The following CRIP1 variants were observed in gnomAD, a reference collection of about 807,000 sequenced individuals.
The protein encoded by CRIP1 is cysteine rich protein 1.
A neutral mutation model predicts 12.9 loss-of-function variants in CRIP1; 11 were observed. That is an observed-to-expected ratio of 0.86 (90% CI 0.54 to 1.42). CRIP1 has a LOEUF of 1.42. Among genes scored for constraint, CRIP1 ranks in the 40% most tolerant of loss-of-function variants. CRIP1 has a pLI of 0.00. For synonymous variants in CRIP1, 41 were observed against 37.2 expected (o/e 1.10, Z -0.37); for missense variants, 122 against 101.3 (o/e 1.20, Z -0.88).
chr14:105,487,858 C>T (rs1555438349), intron 2 of CRIP1: 3 of 423,202 alleles, frequency 7.1e-6, no homozygotes, highest in South Asian at 2.9e-5. Context: ...TGACCTAAGC[C>T]GCGACCCCTG....
At position 105,488,323 on chromosome 14, in the gene CRIP1, C is replaced by G; in HGVS notation, c.136-8C>G. The G allele has an allele frequency of 6.2e-7, 1 of 1,613,540 alleles. No individual in the cohort carries two copies. Among genetic ancestry groups the G allele is most frequent in the Non-Finnish European group, 8.5e-7 (1 of 1,180,018 alleles). Reference sequence around the variant, plus strand: ...GATGGCACCCCCTCACGGCCCTTCTCTTTGCAGCACGAAGGCAAACCCTAC... The same window carrying G: ...GATGGCACCCCCTCACGGCCCTTCTGTTTGCAGCACGAAGGCAAACCCTAC... On this transcript the variant is annotated splice_polypyrimidine_tract_variant and splice_region_variant and intron_variant, in intron 3 of 5. Coordinates refer to ENST00000392531, the MANE Select transcript of CRIP1 (RefSeq NM_001311.5).
chr14:105,487,103 G>A (rs1208956313), intron 1 of CRIP1, 96 bp from the exon 2 acceptor site: 24 of 1,388,754 alleles, frequency 1.7e-5, no homozygotes, highest in Non-Finnish European at 2.2e-5. Flanking sequence ...CAGGGTCCAA[G>A]TCCTGGGTTC....
At position 105,488,152 on chromosome 14, in the gene CRIP1, CTG is replaced by C. The variant is rs782259185; in HGVS notation, c.41-11_41-10del. On this transcript the variant is annotated splice_polypyrimidine_tract_variant and intron_variant, in intron 2 of 5. Coordinates refer to ENST00000392531, the MANE Select transcript of CRIP1 (RefSeq NM_001311.5). ...CCTGCAGCGTCTCACCGGGGCCTGT[CTG>C]TGCCTCTGCAGCCGAGAGGGTGACC... 3 of 1,610,850 alleles carry C rather than the reference CTG, an allele frequency of 1.9e-6. No homozygotes were observed. The highest frequency in any genetic ancestry group is 2.2e-5 in the East Asian group (1 of 44,868).
chr14:105,486,906 C>A lies in CRIP1; in HGVS notation c.-128C>A. 1 of 1,100,836 alleles carries A rather than the reference C, an allele frequency of 9.1e-7. No individual in the cohort carries two copies. The highest frequency in any genetic ancestry group is 1.1e-6 in the Non-Finnish European group (1 of 903,506). The allele number at this position is 1,100,836 out of a possible 1,614,324, so 68.2% of individuals were successfully genotyped here. ...TGAGCCTTTTGCCTCGGAACTGGACCCGGGAGACATCACAGCGCTGGGCTA... is the reference window on the plus strand; with the variant it reads ...TGAGCCTTTTGCCTCGGAACTGGACACGGGAGACATCACAGCGCTGGGCTA... On this transcript the variant is annotated 5_prime_UTR_variant, in exon 1 of 6. Coordinates refer to ENST00000392531, the MANE Select transcript of CRIP1 (RefSeq NM_001311.5).
At chr14:105,488,139 C>A (rs782541477) in intron 2 of CRIP1, 27 bp from the exon 3 acceptor site, 187 of 1,605,636 alleles carry the variant, frequency 1.2e-4, no homozygotes, top group South Asian at 9.9e-5. Flanking sequence ...TGCAGCGTCT[C>A]ACCGGGGCCT....
Position 105,486,949 on chromosome 14 carries a change from C to A in CRIP1, c.-85C>A. ...CTGGGCTAGGGGCGCGGCTTGAACT[C>A]GCCTAAAGAGCTGCGCCCTCTCAGT... On this transcript the variant is annotated 5_prime_UTR_variant, in exon 1 of 6. Transcript: ENST00000392531. The A allele has an allele frequency of 8.4e-7, 1 of 1,191,444 alleles. No homozygotes were observed. Among genetic ancestry groups the A allele is most frequent in the South Asian group, 2.8e-5 (1 of 35,986 alleles). 73.8% of individuals were successfully genotyped at this position (1,191,444 alleles called of 1,614,324 possible). A position where few individuals can be genotyped will look rare whatever the true frequency, so the allele number is the denominator to read the frequency against.
At chr14:105,487,966 T>G in intron 2 of CRIP1, 200 bp from the exon 3 acceptor site, 10 of 577,688 alleles carry the variant, frequency 1.7e-5, no homozygotes, top group East Asian at 2.9e-5. Context: ...CGCGCTTTGT[T>G]TAGTTGTATT....
At chr14:105,487,464 T>C in intron 2 of CRIP1, 165 bp downstream of exon 2, 1 of 590,886 alleles carries the variant, frequency 1.7e-6, no homozygotes, top group Non-Finnish European at 2.9e-6. Flanking sequence ...TGGAGGCCCC[T>C]GCGTCCGAGG....
chr14:105,488,183 C>T lies in CRIP1; in HGVS notation c.58C>T (p.Leu20=). 6.2e-7 allele frequency: 1 copy of T among 1,612,928 alleles called. No individual in the cohort carries two copies. The highest frequency in any genetic ancestry group is 1.3e-5 in the African/African-American group (1 of 75,064). ...EVYFAERVTS[L]GKDWHRPCLK... is the part of the protein sequence containing the mutation. ...CTCTGCAGCCGAGAGGGTGACCTCT[C>T]TGGGCAAGGACTGGCATCGGCCCTG... is the stretch of plus-strand genomic sequence containing the variant. The change falls in exon 3 of 6, where the codon CTG becomes TTG. Residue 20 remains leucine, a synonymous_variant. Transcript: ENST00000392531.
intron 2 of CRIP1, 163 bp downstream of exon 2, chr14:105,487,462 C>T (rs2084131919): frequency 1.7e-6 from 1 of 598,742 alleles, no homozygotes; most frequent in East Asian, 3.3e-5. Flanking sequence ...GGTGGAGGCC[C>T]CTGCGTCCGA....
At chr14:105,487,876 G>GCCTCGC (rs1458678969) in intron 2 of CRIP1, 3 of 471,326 alleles carry the variant, frequency 6.4e-6, no homozygotes, top group African/African-American at 3.9e-5. Context: ...CTGACCCTCG[G>GCCTCGC]CCTCGCCCTC....
chr14:105,487,358 G>T (rs1354868018), intron 2 of CRIP1, 59 bp downstream of exon 2: 1 of 1,464,610 alleles, frequency 6.8e-7, no homozygotes, highest in African/African-American at 1.4e-5. Context: ...ACGAGGCTGG[G>T]GACCGCTCAG....
chr14:105,487,271 TCCCAAGTGC>T lies in CRIP1; in HGVS notation c.13_21del (p.Pro5_Cys7del), dbSNP rs2084129936. Reference sequence around the variant, plus strand: ...GACCCGGAGCCGTCATGCCCAAGTGTCCCAAGTGCAACAAGGAGGTGTACTTCGGTGAGC... The same window carrying T: ...GACCCGGAGCCGTCATGCCCAAGTGTAACAAGGAGGTGTACTTCGGTGAGC... On this transcript the variant is annotated inframe_deletion, in exon 2 of 6. Transcript: ENST00000392531. 1 of 1,544,178 alleles carries T rather than the reference TCCCAAGTGC, an allele frequency of 6.5e-7. No homozygotes were observed. The highest frequency in any genetic ancestry group is 1.4e-5 in the African/African-American group (1 of 72,258).
chr14:105,488,590 C>G (rs1427163245), intron 5 of CRIP1, 73 bp from the exon 6 acceptor site: 1 of 1,470,962 alleles, frequency 6.8e-7, no homozygotes, highest in African/African-American at 1.4e-5. Flanking sequence ...CCCAGGGAGG[C>G]CTGACCACTC....
In CRIP1 at chr14:105,488,500, A is replaced by G. The variant is rs782472779; in HGVS notation, c.223A>G (p.Thr75Ala). Residue 75 changes from threonine to alanine, a missense_variant, in exon 5 of 6, where the codon ACT becomes GCT. Thr to Ala is a moderately conservative substitution (Grantham distance 58). Coordinates refer to ENST00000392531, the MANE Select transcript of CRIP1 (RefSeq NM_001311.5). ...GFGRGGAESHTFK is the reference protein window; with the variant it reads ...GFGRGGAESHAFK ...TGGGCGGGGCGGAGCCGAGAGCCAC[A>G]CTTTCAAGTAAACCAGGTAGGTAGG... is the stretch of plus-strand genomic sequence containing the variant. The G allele has an allele frequency of 7.6e-6, 12 of 1,584,834 alleles. No homozygotes were observed. The highest frequency in any genetic ancestry group is 2.7e-5 in the African/African-American group (2 of 72,784).
rs368343689 is a variant in CRIP1 at position 105,488,174 on chromosome 14, G to A, written c.49G>A (p.Val17Met). ...CNKEVYFAER[V>M]TSLGKDWHRP... ...TGTCTGTGCCTCTGCAGCCGAGAGG[G>A]TGACCTCTCTGGGCAAGGACTGGCA... is the stretch of plus-strand genomic sequence containing the variant. Residue 17 changes from valine to methionine, a missense_variant, in exon 3 of 6, where the codon GTG (valine) becomes ATG (methionine). Coordinates refer to ENST00000392531, the MANE Select transcript of CRIP1 (RefSeq NM_001311.5). The A allele has an allele frequency of 2.5e-6, 4 of 1,612,528 alleles. No homozygotes were observed. The highest frequency in any genetic ancestry group is 1.7e-5 in the Admixed American group (1 of 60,008).
chr14:105,488,171 A>G lies in CRIP1; in HGVS notation c.46A>G (p.Arg16Gly), dbSNP rs782414908. ...KCNKEVYFAE[R>G]VTSLGKDWHR... ...GCCTGTCTGTGCCTCTGCAGCCGAG[A>G]GGGTGACCTCTCTGGGCAAGGACTG... Residue 16 changes from arginine to glycine, a missense_variant, in exon 3 of 6, where the codon AGG becomes GGG. Coordinates refer to ENST00000392531, the MANE Select transcript of CRIP1 (RefSeq NM_001311.5). 5.0e-6 allele frequency: 8 copies of G among 1,612,502 alleles called. No individual in the cohort carries two copies. The highest frequency in any genetic ancestry group is 6.8e-6 in the Non-Finnish European group (8 of 1,179,940).
In CRIP1 at chr14:105,488,672, AC is replaced by A; in HGVS notation, c.*19del. 1.2e-6 allele frequency: 1 copy of A among 804,252 alleles called. No individual in the cohort carries two copies. The allele number at this position is 804,252 out of a possible 1,614,324, so 49.8% of individuals were successfully genotyped here. A position where few individuals can be genotyped will look rare whatever the true frequency, so the allele number is the denominator to read the frequency against. ...GTCTCTCTCTGCACAGGTGGTGGAGACCCCATCCTTGGCTGCTTGCAGGGCC... is the reference window on the plus strand; with the variant it reads ...GTCTCTCTCTGCACAGGTGGTGGAGACCCATCCTTGGCTGCTTGCAGGGCC... On this transcript the variant is annotated 3_prime_UTR_variant, in exon 6 of 6. Transcript: ENST00000392531.
At position 105,488,795 on chromosome 14, in the gene CRIP1, G is replaced by A; in HGVS notation, c.*138G>A. On this transcript the variant is annotated 3_prime_UTR_variant, in exon 6 of 6. Transcript: ENST00000392531. ...AAACCTGAACACTTGGAAAACCTGT[G>A]TGTGTACATGCGCGTGTGTGCTGGG... is the stretch of plus-strand genomic sequence containing the variant. 1.9e-6 allele frequency: 1 copy of A among 532,960 alleles called. No homozygotes were observed. Among genetic ancestry groups the A allele is most frequent in the South Asian group, 2.7e-5 (1 of 36,534 alleles). The allele number at this position is 532,960 out of a possible 1,614,324, so 33.0% of individuals were successfully genotyped here. A position where few individuals can be genotyped will look rare whatever the true frequency, so the allele number is the denominator to read the frequency against.
Sources: gnomAD v4.1 joint callset for allele counts on GRCh38, gnomAD v4.1.1 for gene constraint, MANE v1.5 for transcripts, NCBI Gene and HGNC (gene_info 2026-07-23, HGNC 2026-07-21) for gene names.